The following KIF24 variants were observed in gnomAD, a reference collection of about 807,000 sequenced individuals.
The protein encoded by KIF24 is kinesin family member 24.
In KIF24, 81 loss-of-function variants were observed where a neutral mutation model predicts 118.9. That is an observed-to-expected ratio of 0.68 (90% confidence interval 0.57 to 0.82). The LOEUF (loss-of-function observed/expected upper bound fraction) is 0.82, where lower values mean the gene tolerates loss of function less well. Among genes scored for constraint, KIF24 ranks in the 40% least tolerant of loss-of-function variants. The pLI, the probability that KIF24 is intolerant of heterozygous loss-of-function variation, is 0.00. For missense variants in KIF24, 1,560 were observed against 1,661.6 expected (o/e 0.94, Z 1.06); for synonymous variants, 599 against 610.0 (o/e 0.98, Z 0.27).
At chr9:34,281,976 G>C (rs906380745) in intron 6 of KIF24, among the ~76,000 whole-genome samples, 1 of 152,048 alleles carries the variant, frequency 6.6e-6, no homozygotes, top group African/African-American at 2.4e-5. Flanking sequence ...AAGTCACTTT[G>C]GAAAACAGTG....
chr9:34,269,198 G>T, intron 8 of KIF24, 59 bp downstream of exon 8: 1 of 937,800 alleles, frequency 1.1e-6, no homozygotes, highest in South Asian at 1.4e-5. Flanking sequence ...CACTCTGCCT[G>T]TATGTAATGG....
rs115791681 is a variant in KIF24, at chr9:34,307,482, T to C, written c.624-1041A>G. 3.5e-3 allele frequency among the ~76,000 whole-genome samples: 529 copies of C among 152,176 alleles called. 6 individuals are homozygous for C. Among genetic ancestry groups the C allele is most frequent in the African/African-American group, 0.012 (508 of 41,532 alleles). ...ATTTTATGGCATGTTTTAAAGCAAA[T>C]TTTATTTTCTTAACCAACATTTAGG... On this transcript the variant is annotated intron_variant, in intron 2 of 12. Coordinates refer to ENST00000402558, the MANE Select transcript of KIF24 (RefSeq NM_194313.4).
chr9:34,320,394 G>A (rs1197860932), intron 1 of KIF24, among the ~76,000 whole-genome samples: 2 of 150,468 alleles, frequency 1.3e-5, no homozygotes, highest in Admixed American at 6.6e-5. Flanking sequence ...AGGGTGGCTC[G>A]TGCCTGTAAT....
intron 1 of KIF24, 134 bp from the exon 2 acceptor site, chr9:34,311,505 A>G (rs1044740143): frequency 8.5e-6 from 4 of 473,280 alleles, no homozygotes; most frequent in East Asian, 3.3e-5. Flanking sequence ...TCTCAATAAC[A>G]TATTTTTCTT....
At chr9:34,255,268 CG>C in intron 11 of KIF24, 103 bp from the exon 12 acceptor site, 1 of 719,210 alleles carries the variant, frequency 1.4e-6, no homozygotes. Context: ...CTGCCTCTGC[CG>C]AAAATGGTCA....
chr9:34,259,181 C>G, intron 10 of KIF24, among the ~76,000 whole-genome samples: 1 of 152,316 alleles, frequency 6.6e-6, no homozygotes, highest in Admixed American at 6.5e-5. Flanking sequence ...CCCTTCTGGA[C>G]ACAGATAGCT....
At chr9:34,317,908 G>T (rs1235510936) in intron 1 of KIF24, among the ~76,000 whole-genome samples, 6 of 152,114 alleles carry the variant, frequency 3.9e-5, no homozygotes, top group African/African-American at 1.4e-4. Context: ...ACTATCCATG[G>T]TTTCAGGCAT....
At chr9:34,314,321 G>A (rs1837269440) in intron 1 of KIF24, among the ~76,000 whole-genome samples, 1 of 151,896 alleles carries the variant, frequency 6.6e-6, no homozygotes, top group African/African-American at 2.4e-5. Context: ...GCGCCACCAC[G>A]CCCGGCTAAT....
chr9:34,294,577 C>A (rs1836389550), intron 4 of KIF24, among the ~76,000 whole-genome samples: 1 of 152,126 alleles, frequency 6.6e-6, no homozygotes, highest in East Asian at 1.9e-4. Context: ...ATACTTTATT[C>A]ATAAAGTCCA....
At chr9:34,284,681 C>G (rs1254937020) in intron 6 of KIF24, among the ~76,000 whole-genome samples, 1 of 152,004 alleles carries the variant, frequency 6.6e-6, no homozygotes, top group African/African-American at 2.4e-5. Context: ...GGTGGTAAAA[C>G]TATAACAAAT....
At chr9:34,293,750 TG>T (rs897136904) in intron 4 of KIF24, among the ~76,000 whole-genome samples, 1 of 152,166 alleles carries the variant, frequency 6.6e-6, no homozygotes, top group Non-Finnish European at 1.5e-5. Context: ...CACTCCAGCC[TG>T]GGCTGCGAGA....
chr9:34,257,314 G>T lies in KIF24; in HGVS notation c.2293C>A (p.Arg765Ser). The change falls in exon 11 of 13, where the codon CGT becomes AGT. Residue 765 changes from arginine (R) to serine (S), a missense_variant. This residue lies in a region of KIF24 where 964 missense variants were observed against 988.0 expected (regional missense o/e 0.98). Transcript: ENST00000402558. ...PHQKEREEHL[R>S]FYHQQFQQPP... is the part of the protein sequence containing the mutation. ...TGTTGGAACTGCTGGTGATAGAAACGCAGATGTTCCTCCCTCTCCTTCTGA... is the reference window on the plus strand; with the variant it reads ...TGTTGGAACTGCTGGTGATAGAAACTCAGATGTTCCTCCCTCTCCTTCTGA... 1 of 1,614,064 alleles carries T rather than the reference G, an allele frequency of 6.2e-7. No individual in the cohort carries two copies. Among genetic ancestry groups the T allele is most frequent in the Non-Finnish European group, 8.5e-7 (1 of 1,179,898 alleles).
intron 6 of KIF24, among the ~76,000 whole-genome samples, chr9:34,284,888 G>T (rs932995454): frequency 2.0e-5 from 3 of 151,852 alleles, no homozygotes; most frequent in Non-Finnish European, 4.4e-5. Context: ...CAATAAAAAA[G>T]GTTAAATCAT....
chr9:34,302,180 G>A (rs555008669), intron 3 of KIF24, among the ~76,000 whole-genome samples: 68 of 151,666 alleles, frequency 4.5e-4, no homozygotes, highest in African/African-American at 1.5e-3. Context: ...ATTTTTAGTA[G>A]AGACGAGGTT....
At chr9:34,304,068 T>C (rs1449347285) in intron 3 of KIF24, among the ~76,000 whole-genome samples, 2 of 152,192 alleles carry the variant, frequency 1.3e-5, no homozygotes, top group African/African-American at 4.8e-5. Flanking sequence ...GCATACTACA[T>C]GTATATGATC....
rs775845953 is a variant in KIF24, at chr9:34,311,334, A to G, written c.13T>C (p.Leu5=). 6.4e-7 allele frequency: 1 copy of G among 1,566,584 alleles called. No homozygotes were observed. Among genetic ancestry groups the G allele is most frequent in the Non-Finnish European group, 8.6e-7 (1 of 1,156,770 alleles). Residue 5 remains leucine, a synonymous_variant, in exon 2 of 13, where the codon TTA becomes CTA. Transcript: ENST00000402558. The part of the protein sequence containing the change: MASW[L]YECLCEAELA... ...TCAGCTTCACAAAGACATTCATATA[A>G]CCAGGATGCCATTTTGGTGAATAGG...
At position 34,285,148 on chromosome 9, in the gene KIF24, T is replaced by G. The variant is rs945936348; in HGVS notation, c.1215+1469A>C. ...TTACATATTTCTGTAATGTTTAAAC[T>G]TAATGATAAGTATGACTTTTATTAC... On this transcript the variant is annotated intron_variant, in intron 6 of 12. Transcript: ENST00000402558. 6.6e-5 allele frequency among the ~76,000 whole-genome samples: 10 copies of G among 152,284 alleles called. 1 individual carries two copies. Among genetic ancestry groups the G allele is most frequent in the African/African-American group, 2.2e-4 (9 of 41,564 alleles).
chr9:34,312,693 A>G (rs1212924997), intron 1 of KIF24, among the ~76,000 whole-genome samples: 4 of 152,038 alleles, frequency 2.6e-5, no homozygotes, highest in Non-Finnish European at 4.4e-5. Context: ...CTGGCCTTCT[A>G]TTTGTGGTAG....
At chr9:34,287,772 T>C (rs1048255414) in intron 5 of KIF24, among the ~76,000 whole-genome samples, 2 of 152,078 alleles carry the variant, frequency 1.3e-5, no homozygotes, top group Non-Finnish European at 2.9e-5. Flanking sequence ...GGTGTGTGTC[T>C]GTAGTCCCAG....
Sources: gnomAD v4.1 joint callset for allele counts (sites outside exome capture counted in the v4.1 genomes callset) on GRCh38, gnomAD v4.1.1 for gene constraint, gnomAD v4.1.1 regional missense constraint, MANE v1.5 for transcripts, NCBI Gene and HGNC (gene_info 2026-07-23, HGNC 2026-07-21) for gene names.